Variants in ZNF804B observed in about 807,000 individuals in gnomAD.
ZNF804B encodes the protein zinc finger protein 804B.
A neutral mutation model predicts 101.4 loss-of-function variants in ZNF804B; 80 were observed. That is an observed-to-expected ratio of 0.79 (90% CI 0.66 to 0.95). The LOEUF is 0.95. Ranked by LOEUF, ZNF804B falls within the 40% of genes least tolerant of loss-of-function variation. The pLI, the probability that ZNF804B is intolerant of heterozygous loss-of-function variation, is 0.00. For missense variants in ZNF804B, 1,673 were observed against 1,561.9 expected (o/e 1.07, Z -1.20); for synonymous variants, 622 against 558.8 (o/e 1.11, Z -1.59).
intron 2 of ZNF804B, among the ~76,000 whole-genome samples, chr7:89,305,309 G>A (rs1790543757): frequency 6.6e-6 from 1 of 151,930 alleles, no homozygotes; most frequent in Non-Finnish European, 1.5e-5. Flanking sequence ...AGCAGAGTCT[G>A]TTATGATTTT....
chr7:88,924,109 T>A (rs1354549835), intron 1 of ZNF804B, among the ~76,000 whole-genome samples: 1 of 152,070 alleles, frequency 6.6e-6, no homozygotes, highest in Non-Finnish European at 1.5e-5. Flanking sequence ...GATGTATGTG[T>A]TTTTTAAAAA....
chr7:89,083,600 C>G (rs1789729470), intron 1 of ZNF804B, among the ~76,000 whole-genome samples: 1 of 151,800 alleles, frequency 6.6e-6, no homozygotes, highest in African/African-American at 2.4e-5. Context: ...CTTACTCATA[C>G]TCAAGCAATA....
intron 1 of ZNF804B, among the ~76,000 whole-genome samples, chr7:89,081,462 T>C (rs1020493439): frequency 6.6e-6 from 1 of 151,832 alleles, no homozygotes; most frequent in African/African-American, 2.4e-5. Context: ...TTCCAATCCA[T>C]TCTAGGTCTA....
intron 1 of ZNF804B, among the ~76,000 whole-genome samples, chr7:89,153,235 A>C (rs1790904731): frequency 6.6e-6 from 1 of 151,746 alleles, no homozygotes; most frequent in South Asian, 2.1e-4. Flanking sequence ...CTTGAGTTCC[A>C]GATTTGAAAC....
chr7:88,854,780 G>A (rs181723681), intron 1 of ZNF804B, among the ~76,000 whole-genome samples: 4,389 of 107,258 alleles, frequency 0.041, 272 homozygotes, highest in African/African-American at 0.15. Context: ...ACAGGCCCCA[G>A]TGTGTGATGT....
At chr7:89,136,917 C>T (rs1227832429) in intron 1 of ZNF804B, among the ~76,000 whole-genome samples, 3 of 151,944 alleles carry the variant, frequency 2.0e-5, no homozygotes, top group Non-Finnish European at 4.4e-5. Context: ...TCTCATGAGA[C>T]ATGATGGCTT....
At chr7:89,016,897 G>A (rs560827804) in intron 1 of ZNF804B, among the ~76,000 whole-genome samples, 1 of 152,256 alleles carries the variant, frequency 6.6e-6, no homozygotes, top group South Asian at 2.1e-4. Context: ...GCTTGATGGG[G>A]ATGGCATTGA....
intron 1 of ZNF804B, among the ~76,000 whole-genome samples, chr7:89,039,628 T>A (rs964935608): frequency 1.9e-4 from 27 of 143,492 alleles, no homozygotes; most frequent in African/African-American, 3.1e-4. Context: ...ACAGAAAAAA[T>A]TTATTTTTTT....
intron 1 of ZNF804B, among the ~76,000 whole-genome samples, chr7:88,784,495 A>T (rs1345476334): frequency 6.6e-6 from 1 of 152,174 alleles, no homozygotes; most frequent in Non-Finnish European, 1.5e-5. Flanking sequence ...TGGACATTGA[A>T]TCTCACATGA....
chr7:89,298,732 T>G (rs1486837634), intron 2 of ZNF804B, among the ~76,000 whole-genome samples: 1 of 152,106 alleles, frequency 6.6e-6, no homozygotes, highest in Admixed American at 6.6e-5. Context: ...ATATGTATTT[T>G]CATATATATA....
rs182177950 is a variant in ZNF804B at position 88,992,084 on chromosome 7, C to T, written c.109-226071C>T. 3.9e-5 allele frequency among the ~76,000 whole-genome samples: 6 copies of T among 152,156 alleles called. No homozygotes were observed. The East Asian group carries it at 9.7e-4, about 25-fold the overall frequency. On this transcript the variant is annotated intron_variant, in intron 1 of 3. Coordinates refer to ENST00000333190, the MANE Select transcript of ZNF804B (RefSeq NM_181646.5). The stretch of plus-strand genomic sequence containing the variant: ...TTTCTGAGTCTGGTTGCAGATTAAA[C>T]CTGAGGATGACAGTGATGAGGAAAA...
chr7:88,905,623 G>T (rs1378534524), intron 1 of ZNF804B, among the ~76,000 whole-genome samples: 1 of 152,092 alleles, frequency 6.6e-6, no homozygotes, highest in Admixed American at 6.5e-5. Flanking sequence ...CCTCCCAAGT[G>T]CTGGGCTTAC....
chr7:89,135,277 T>C (rs946689995), intron 1 of ZNF804B, among the ~76,000 whole-genome samples: 3 of 152,100 alleles, frequency 2.0e-5, no homozygotes, highest in Non-Finnish European at 4.4e-5. Flanking sequence ...TTCCATATAG[T>C]GTAAAGCCTA....
At chr7:88,769,605 A>G (rs1790033290) in intron 1 of ZNF804B, among the ~76,000 whole-genome samples, 1 of 152,234 alleles carries the variant, frequency 6.6e-6, no homozygotes, top group African/African-American at 2.4e-5. Context: ...TAGGAACTTG[A>G]TCATTTCTTT....
chr7:88,830,330 T>A (rs1791112655), intron 1 of ZNF804B, among the ~76,000 whole-genome samples: 3 of 151,744 alleles, frequency 2.0e-5, no homozygotes, highest in Admixed American at 2.0e-4. Flanking sequence ...CATGTACAAG[T>A]TAGAAATTTA....
chr7:88,856,480 T>C (rs1791561000), intron 1 of ZNF804B, among the ~76,000 whole-genome samples: 1 of 152,178 alleles, frequency 6.6e-6, no homozygotes, highest in Admixed American at 6.5e-5. Flanking sequence ...TTGCTGAAGT[T>C]GCCTATCAGC....
intron 1 of ZNF804B, among the ~76,000 whole-genome samples, chr7:88,869,540 A>G (rs1195324340): frequency 6.6e-6 from 1 of 152,216 alleles, no homozygotes; most frequent in East Asian, 1.9e-4. Context: ...AGGGGAATTA[A>G]CAGCAATATT....
intron 2 of ZNF804B, among the ~76,000 whole-genome samples, chr7:89,310,746 A>G (rs1275532548): frequency 6.6e-6 from 1 of 152,220 alleles, no homozygotes; most frequent in Non-Finnish European, 1.5e-5. Context: ...AGATATTGAA[A>G]TACAAGACAT....
At chr7:89,282,602 T>G (rs896331054) in intron 2 of ZNF804B, among the ~76,000 whole-genome samples, 8 of 152,206 alleles carry the variant, frequency 5.3e-5, no homozygotes, top group Non-Finnish European at 1.0e-4. Flanking sequence ...TATGCTATCT[T>G]ATTTGGAAAA....
Sources: allele counts gnomAD v4.1 joint callset (sites outside exome capture counted in the v4.1 genomes callset), GRCh38; gene constraint gnomAD v4.1.1; transcripts MANE v1.5; gene names NCBI Gene and HGNC (gene_info 2026-07-23, HGNC 2026-07-21).